The following LRRTM4 variants were observed in gnomAD, a reference collection of about 807,000 sequenced individuals.
The protein encoded by LRRTM4 is leucine-rich repeat transmembrane neuronal protein 4.
In LRRTM4, 25 loss-of-function variants were observed where a neutral mutation model predicts 47.6. The ratio of observed to expected loss-of-function variants is 0.53; its 90% CI spans 0.38 to 0.73. The LOEUF is 0.73. Among genes scored for constraint, LRRTM4 ranks in the 30% least tolerant of loss-of-function variants. The pLI is 0.00. For missense variants in LRRTM4, 638 were observed against 713.4 expected (o/e 0.89, Z 1.20); for synonymous variants, 311 against 269.5 (o/e 1.15, Z -1.51).
At chr2:77,465,088 AT>A (rs1000804256) in intron 3 of LRRTM4, among the ~76,000 whole-genome samples, 1 of 152,092 alleles carries the variant, frequency 6.6e-6, no homozygotes, top group African/African-American at 2.4e-5. Flanking sequence ...CAAATCCTTA[AT>A]TTTTTATTGA....
At chr2:76,856,377 A>C (rs925453816) in intron 3 of LRRTM4, among the ~76,000 whole-genome samples, 1 of 152,212 alleles carries the variant, frequency 6.6e-6, no homozygotes, top group Non-Finnish European at 1.5e-5. Context: ...ATTGGATATA[A>C]TATCCACTAT....
intron 3 of LRRTM4, among the ~76,000 whole-genome samples, chr2:77,416,169 T>C (rs970350908): frequency 3.3e-5 from 5 of 152,132 alleles, no homozygotes; most frequent in African/African-American, 1.2e-4. Flanking sequence ...CCTGCTTTAA[T>C]ATGGGATAGA....
At chr2:77,200,076 T>C (rs1279376989) in intron 3 of LRRTM4, among the ~76,000 whole-genome samples, 1 of 152,030 alleles carries the variant, frequency 6.6e-6, no homozygotes, top group Admixed American at 6.6e-5. Context: ...ACTATAAAAA[T>C]AGAATCATAC....
chr2:76,902,129 A>G (rs13013656), intron 3 of LRRTM4, among the ~76,000 whole-genome samples: 5 of 152,170 alleles, frequency 3.3e-5, no homozygotes, highest in African/African-American at 1.2e-4. Flanking sequence ...AGAAAATAAT[A>G]CAATAGAAGC....
intron 3 of LRRTM4, among the ~76,000 whole-genome samples, chr2:76,875,637 A>G (rs770456168): frequency 1.3e-5 from 2 of 152,114 alleles, no homozygotes; most frequent in South Asian, 2.1e-4. Context: ...AAAAAAGAAA[A>G]AAGTCCCTGG....
chr2:76,831,013 T>C (rs766215000), intron 3 of LRRTM4, among the ~76,000 whole-genome samples: 5 of 152,132 alleles, frequency 3.3e-5, no homozygotes, highest in Non-Finnish European at 5.9e-5. Context: ...ACTAATCAAT[T>C]ACTTACTCTT....
chr2:77,442,978 T>C (rs142727680), intron 3 of LRRTM4, among the ~76,000 whole-genome samples: 2 of 152,250 alleles, frequency 1.3e-5, no homozygotes, highest in African/African-American at 4.8e-5. Context: ...TGAAACATAA[T>C]AAGGCTCACT....
chr2:76,800,056 C>T (rs1013472810), intron 3 of LRRTM4, among the ~76,000 whole-genome samples: 1 of 151,782 alleles, frequency 6.6e-6, no homozygotes, highest in African/African-American at 2.4e-5. Flanking sequence ...CAATGCCATC[C>T]CCCTCAAGCT....
intron 3 of LRRTM4, among the ~76,000 whole-genome samples, chr2:77,509,467 C>G (rs1301786507): frequency 6.6e-6 from 1 of 152,050 alleles, no homozygotes; most frequent in Non-Finnish European, 1.5e-5. Context: ...ATTGCCAGCT[C>G]TGGTACCCAA....
At chr2:77,200,815 C>T (rs1417895549) in intron 3 of LRRTM4, among the ~76,000 whole-genome samples, 1 of 151,996 alleles carries the variant, frequency 6.6e-6, no homozygotes, top group Admixed American at 6.6e-5. Context: ...TCTCCTTTAC[C>T]TCATTAAACC....
At chr2:77,477,945 AAG>A (rs1300058474) in intron 3 of LRRTM4, among the ~76,000 whole-genome samples, 5 of 146,034 alleles carry the variant, frequency 3.4e-5, no homozygotes, top group South Asian at 2.2e-4. Context: ...GAAAGAAAGA[AAG>A]AAAGAAAGAA....
chr2:77,107,036 G>C (rs1440579877), intron 3 of LRRTM4, among the ~76,000 whole-genome samples: 1 of 151,964 alleles, frequency 6.6e-6, no homozygotes, highest in African/African-American at 2.4e-5. Context: ...AGCAATTTTT[G>C]TAAGATATTC....
rs1275105373 is a variant in LRRTM4 at position 77,217,462 on chromosome 2, T to TATATATATATATATATAC, written c.1551+300855_1551+300856insGTATATATATATATATAT. 1.2e-4 allele frequency among the ~76,000 whole-genome samples: 17 copies of TATATATATATATATATAC among 139,440 alleles called. 1 individual carries two copies. The Admixed American group carries it at 1.2e-3, about 10-fold the overall frequency. The allele number at this position is 139,440 out of a possible 152,430, so 91.5% of individuals were successfully genotyped here. ...TGAAATATATATATATATATATATA[T>TATATATATATATATATAC]ATATATACTAAGCCTTTAATTTAAA... is the stretch of plus-strand genomic sequence containing the variant. On this transcript the variant is annotated intron_variant, in intron 3 of 3. Transcript: ENST00000409884.
chr2:76,801,604 T>A (rs1217209369), intron 3 of LRRTM4, among the ~76,000 whole-genome samples: 1 of 151,966 alleles, frequency 6.6e-6, no homozygotes, highest in Non-Finnish European at 1.5e-5. Flanking sequence ...GCATGGCACA[T>A]ATATACATAT....
chr2:77,115,207 C>T (rs1455256014), intron 3 of LRRTM4, among the ~76,000 whole-genome samples: 1 of 152,118 alleles, frequency 6.6e-6, no homozygotes, highest in Admixed American at 6.6e-5. Context: ...TATAGGTTCC[C>T]TGCAAGAAGA....
At chr2:76,916,290 C>T (rs1674242116) in intron 3 of LRRTM4, among the ~76,000 whole-genome samples, 3 of 143,586 alleles carry the variant, frequency 2.1e-5, no homozygotes, top group Admixed American at 1.5e-4. Flanking sequence ...GAGGCTAAGG[C>T]AGGAGAATGG....
At chr2:76,794,764 G>A (rs1391284499) in intron 3 of LRRTM4, among the ~76,000 whole-genome samples, 1 of 151,980 alleles carries the variant, frequency 6.6e-6, no homozygotes, top group African/African-American at 2.4e-5. Flanking sequence ...TGTGGGATGT[G>A]TAGCACCATC....
intron 3 of LRRTM4, among the ~76,000 whole-genome samples, chr2:77,387,541 C>T (rs1008014432): frequency 2.0e-5 from 3 of 152,044 alleles, no homozygotes; most frequent in Non-Finnish European, 4.4e-5. Flanking sequence ...ATTAAGTTGG[C>T]CTACTTTGCA....
At position 76,863,157 on chromosome 2, in the gene LRRTM4, T is replaced by C. The variant is rs897042352; in HGVS notation, c.1552-114241A>G. 4.6e-5 allele frequency among the ~76,000 whole-genome samples: 7 copies of C among 152,158 alleles called. No individual in the cohort carries two copies. In the South Asian group the frequency reaches 8.3e-4, roughly 18 times the overall value. On this transcript the variant is annotated intron_variant, in intron 3 of 3. Transcript: ENST00000409884. ...GGACTTGTCCATTTCCCCCAGGCTA[T>C]TGTAAAATTTTACGGAGAGAGAAAA... is the stretch of plus-strand genomic sequence containing the variant.
Sources: gnomAD v4.1 joint callset for allele counts (sites outside exome capture counted in the v4.1 genomes callset) on GRCh38, gnomAD v4.1.1 for gene constraint, MANE v1.5 for transcripts, NCBI Gene and HGNC (gene_info 2026-07-23, HGNC 2026-07-21) for gene names.